ZFAND3: variants seen among roughly 807,000 people sequenced by gnomAD.
ZFAND3 encodes the protein AN1-type zinc finger protein 3.
In ZFAND3, 10 loss-of-function variants were observed where a neutral mutation model predicts 29.6. The observed-to-expected ratio is 0.34, with a 90% CI of 0.21 to 0.57. ZFAND3 has a LOEUF of 0.57. ZFAND3 is among the 20% of genes least tolerant of loss of function. The probability of loss-of-function intolerance (pLI) is 0.86; values close to 1 mark genes in which losing one functional copy is unlikely to be tolerated. For missense variants in ZFAND3, 230 were observed against 304.5 expected, an observed-to-expected ratio of 0.76 and a Z score of 1.82; for synonymous variants, 128 against 112.6, an observed-to-expected ratio of 1.14 and a Z score of -0.87.
chr6:38,008,628 C>T (rs1029768149), intron 2 of ZFAND3, among the ~76,000 whole-genome samples: 1 of 152,134 alleles, frequency 6.6e-6, no homozygotes, highest in East Asian at 1.9e-4. Flanking sequence ...TTCTCTTTCT[C>T]TCCTTCTATC....
At chr6:38,000,997 C>T (rs965605047) in intron 2 of ZFAND3, among the ~76,000 whole-genome samples, 1 of 152,134 alleles carries the variant, frequency 6.6e-6, no homozygotes, top group Non-Finnish European at 1.5e-5. Context: ...GGCACTGGAC[C>T]TTCCTCTGAT....
chr6:38,143,797 T>C (rs1234698609), intron 5 of ZFAND3, among the ~76,000 whole-genome samples: 1 of 152,192 alleles, frequency 6.6e-6, no homozygotes, highest in African/African-American at 2.4e-5. Context: ...CAAGCTGGGA[T>C]CCAGTTCTGT....
chr6:38,004,148 G>A (rs943493189), intron 2 of ZFAND3, among the ~76,000 whole-genome samples: 5 of 152,252 alleles, frequency 3.3e-5, no homozygotes, highest in African/African-American at 1.2e-4. Context: ...ATGGGGTTTA[G>A]TGTAGAAGAT....
intron 2 of ZFAND3, among the ~76,000 whole-genome samples, chr6:38,058,414 T>C (rs1490865547): frequency 1.3e-5 from 2 of 152,244 alleles, no homozygotes; most frequent in African/African-American, 4.8e-5. Flanking sequence ...TTTTATTCCA[T>C]TGATATAGTA....
intron 3 of ZFAND3, 131 bp downstream of exon 3, chr6:38,061,906 C>G: frequency 9.4e-7 from 1 of 1,058,508 alleles, no homozygotes. Flanking sequence ...ATACAAGGCC[C>G]AAGCTCAGCA....
At chr6:37,966,105 G>A (rs2645107) in intron 2 of ZFAND3, among the ~76,000 whole-genome samples, 42,892 of 151,924 alleles carry the variant, frequency 0.28, 6,985 homozygotes, top group Non-Finnish European at 0.38. Flanking sequence ...CCGCAAACCA[G>A]ACTGCATGGT....
intron 1 of ZFAND3, among the ~76,000 whole-genome samples, chr6:37,896,642 C>T (rs1017911029): frequency 1.4e-4 from 21 of 147,012 alleles, no homozygotes; most frequent in African/African-American, 5.0e-4. Context: ...GCCTTCCTGC[C>T]TTCCTGCCTG....
chr6:37,856,318 A>G (rs929962768), intron 1 of ZFAND3, among the ~76,000 whole-genome samples: 1 of 152,112 alleles, frequency 6.6e-6, no homozygotes, highest in Non-Finnish European at 1.5e-5. Flanking sequence ...CTCTAGTCTT[A>G]CTTCTGTCAG....
At chr6:37,984,427 G>A (rs115342044) in intron 2 of ZFAND3, among the ~76,000 whole-genome samples, 2,216 of 152,296 alleles carry the variant, frequency 0.015, 23 homozygotes, top group Non-Finnish European at 0.024. Flanking sequence ...GGTTGGAATG[G>A]GGGCTCAGAT....
intron 4 of ZFAND3, among the ~76,000 whole-genome samples, chr6:38,090,614 G>A (rs1004186509): frequency 3.4e-4 from 52 of 152,286 alleles, no homozygotes; most frequent in African/African-American, 1.2e-3. Flanking sequence ...TGTCATAGTG[G>A]CTGTTTGCTG....
chr6:37,924,814 C>CA (rs779317830), intron 1 of ZFAND3, among the ~76,000 whole-genome samples: 14 of 150,268 alleles, frequency 9.3e-5, no homozygotes, highest in East Asian at 5.8e-4. Context: ...GACCCAGTCT[C>CA]AAAAAAACAA....
At chr6:38,031,569 C>A (rs1763559752) in intron 2 of ZFAND3, among the ~76,000 whole-genome samples, 1 of 152,090 alleles carries the variant, frequency 6.6e-6, no homozygotes, top group Admixed American at 6.5e-5. Flanking sequence ...ACTTTGGAGT[C>A]CAGTAGACTT....
intron 4 of ZFAND3, among the ~76,000 whole-genome samples, chr6:38,096,574 G>A (rs931671908): frequency 6.6e-6 from 1 of 152,200 alleles, no homozygotes; most frequent in African/African-American, 2.4e-5. Flanking sequence ...AGGTCCCTTA[G>A]ATCTGAAGAC....
At chr6:37,857,599 G>C (rs6926669) in intron 1 of ZFAND3, among the ~76,000 whole-genome samples, 4,519 of 152,278 alleles carry the variant, frequency 0.03, 176 homozygotes, top group African/African-American at 0.086. Context: ...ACATATGGAG[G>C]GTTTGTAGAG....
intron 4 of ZFAND3, among the ~76,000 whole-genome samples, chr6:38,096,333 G>A (rs753791035): frequency 1.1e-4 from 17 of 151,900 alleles, no homozygotes; most frequent in Non-Finnish European, 2.2e-4. Flanking sequence ...CCACCACATC[G>A]GGCTAACTTT....
intron 2 of ZFAND3, among the ~76,000 whole-genome samples, chr6:38,036,626 TGATTACAGACTCATCA>T (rs1313482919): frequency 2.0e-5 from 3 of 152,186 alleles, no homozygotes; most frequent in African/African-American, 7.2e-5. Context: ...AAAAGAGGTA[TGATTACAGACTCATCA>T]AGTAGAGATT....
intron 2 of ZFAND3, among the ~76,000 whole-genome samples, chr6:37,989,256 A>G (rs1033737258): frequency 6.6e-6 from 1 of 152,240 alleles, no homozygotes; most frequent in African/African-American, 2.4e-5. Flanking sequence ...ATAGGGATAT[A>G]GCAGAAAATA....
intron 2 of ZFAND3, among the ~76,000 whole-genome samples, chr6:37,962,108 T>G (rs1164027735): frequency 6.6e-6 from 1 of 152,174 alleles, no homozygotes; most frequent in Non-Finnish European, 1.5e-5. Flanking sequence ...TCAAAGAAAT[T>G]CAAGATAACA....
At chr6:37,943,706 A>AATCATGTG (rs2127417928) in intron 2 of ZFAND3, among the ~76,000 whole-genome samples, 1 of 152,282 alleles carries the variant, frequency 6.6e-6, no homozygotes, top group African/African-American at 2.4e-5. Flanking sequence ...GAATCCCATT[A>AATCATGTG]ATCATGTGAT....
Sources: gnomAD v4.1 joint callset for allele counts (sites outside exome capture counted in the v4.1 genomes callset) on GRCh38, gnomAD v4.1.1 for gene constraint, MANE v1.5 for transcripts, NCBI Gene and HGNC (gene_info 2026-07-23, HGNC 2026-07-21) for gene names.